The following YPEL2 variants were observed in gnomAD, a reference collection of about 807,000 sequenced individuals.
YPEL2 encodes protein yippee-like 2.
YPEL2 carries 2 observed loss-of-function variants against 19.1 expected under a neutral mutation model. The ratio of observed to expected loss-of-function variants is 0.10; its 90% confidence interval spans 0.04 to 0.33. YPEL2 has a LOEUF of 0.33. Ranked by LOEUF, YPEL2 falls within the 10% of genes least tolerant of loss-of-function variation. YPEL2 has a pLI of 1.00. For missense variants in YPEL2, 66 were observed against 140.7 expected (o/e 0.47, Z 2.68); for synonymous variants, 52 against 50.0 (o/e 1.04, Z -0.17).
chr17:59,394,657 CAG>C (rs1394689427), intron 4 of YPEL2, among the ~76,000 whole-genome samples: 1 of 151,630 alleles, frequency 6.6e-6, no homozygotes, highest in African/African-American at 2.4e-5. Context: ...GGCGGCCAGG[CAG>C]AGAGGCTCCT....
At chr17:59,351,807 A>C (rs2047788964) in intron 1 of YPEL2, among the ~76,000 whole-genome samples, 2 of 152,204 alleles carry the variant, frequency 1.3e-5, no homozygotes, top group South Asian at 4.1e-4. Flanking sequence ...GCTTTGCATG[A>C]GGAGCTTCCT....
intron 2 of YPEL2, among the ~76,000 whole-genome samples, chr17:59,361,948 C>A (rs2047843171): frequency 6.6e-6 from 1 of 152,112 alleles, no homozygotes; most frequent in Non-Finnish European, 1.5e-5. Context: ...CAGGGAGCAG[C>A]CGTTCTTTGG....
chr17:59,395,214 T>A lies in YPEL2; in HGVS notation c.271-1887T>A, dbSNP rs185906106. Among the ~76,000 whole-genome samples, 23 of 99,810 alleles carry A rather than the reference T, an allele frequency of 2.3e-4. No homozygotes were observed. In the East Asian group the frequency reaches 3.9e-3, roughly 17 times the overall value. 65.5% of individuals were successfully genotyped at this position (99,810 alleles called of 152,430 possible). ...TTGCTCTGTCATGTGTATACACGCA[T>A]GTGTGCATGTGTGTGCACAGAGACG... On this transcript the variant is annotated intron_variant, in intron 4 of 4. Coordinates refer to ENST00000312655, the MANE Select transcript of YPEL2 (RefSeq NM_001005404.4).
chr17:59,346,802 T>G (rs1438728842), intron 1 of YPEL2, among the ~76,000 whole-genome samples: 1 of 151,978 alleles, frequency 6.6e-6, no homozygotes, highest in Non-Finnish European at 1.5e-5. Flanking sequence ...GAGGTGACAT[T>G]TGAGCTGAGT....
intron 2 of YPEL2, among the ~76,000 whole-genome samples, chr17:59,386,694 ATT>A (rs2047981852): frequency 1.3e-5 from 2 of 152,224 alleles, no homozygotes; most frequent in South Asian, 4.1e-4. Flanking sequence ...TCGCTGGGAC[ATT>A]GTCTTATCCA....
chr17:59,383,077 T>C (rs1483056288), intron 2 of YPEL2, among the ~76,000 whole-genome samples: 1 of 152,190 alleles, frequency 6.6e-6, no homozygotes, highest in Non-Finnish European at 1.5e-5. Flanking sequence ...TTAAATAGAT[T>C]AGGGAATTGC....
chr17:59,384,639 A>G (rs1470770479), intron 2 of YPEL2, among the ~76,000 whole-genome samples: 4 of 152,180 alleles, frequency 2.6e-5, no homozygotes, highest in Non-Finnish European at 5.9e-5. Flanking sequence ...GTAACTGTTT[A>G]GCAAAACTTA....
At chr17:59,391,652 G>A (rs922198095) in intron 4 of YPEL2, among the ~76,000 whole-genome samples, 6 of 152,062 alleles carry the variant, frequency 3.9e-5, no homozygotes, top group African/African-American at 1.2e-4. Flanking sequence ...AACCCCAGCA[G>A]TTTGGGAGGC....
At chr17:59,346,392 CT>C (rs1480836703) in intron 1 of YPEL2, among the ~76,000 whole-genome samples, 1 of 152,164 alleles carries the variant, frequency 6.6e-6, no homozygotes. Context: ...AATGACAGGC[CT>C]TTGAGTGGCA....
At chr17:59,369,713 C>A (rs1358035092) in intron 2 of YPEL2, among the ~76,000 whole-genome samples, 1 of 152,240 alleles carries the variant, frequency 6.6e-6, no homozygotes, top group Non-Finnish European at 1.5e-5. Flanking sequence ...TTGGAAGATA[C>A]ACGTGCTGTC....
At chr17:59,380,271 T>A (rs1433779816) in intron 2 of YPEL2, among the ~76,000 whole-genome samples, 1 of 120,224 alleles carries the variant, frequency 8.3e-6, no homozygotes, top group African/African-American at 3.7e-5. Context: ...GTATCTAACT[T>A]CTTTTTTTTT....
At chr17:59,372,125 T>G (rs960610106) in intron 2 of YPEL2, among the ~76,000 whole-genome samples, 3 of 152,174 alleles carry the variant, frequency 2.0e-5, no homozygotes, top group Non-Finnish European at 4.4e-5. Context: ...ACCCAGAAAC[T>G]GGGCCTCTGT....
chr17:59,337,183 C>CTTTTTTTT (rs146083930), intron 1 of YPEL2, among the ~76,000 whole-genome samples: 1 of 136,502 alleles, frequency 7.3e-6, no homozygotes, highest in Non-Finnish European at 1.6e-5. Flanking sequence ...GGGAGAAATT[C>CTTTTTTTT]TTTTTTTTTG....
At chr17:59,379,216 C>G (rs1307808069) in intron 2 of YPEL2, among the ~76,000 whole-genome samples, 1 of 152,176 alleles carries the variant, frequency 6.6e-6, no homozygotes, top group Admixed American at 6.6e-5. Context: ...TTATCATCAC[C>G]CCTCTCACTT....
chr17:59,353,905 G>T lies in YPEL2; in HGVS notation c.117+379G>T, dbSNP rs915746449. 5 of 310,860 alleles carry T rather than the reference G, an allele frequency of 1.6e-5. No homozygotes were observed. Among genetic ancestry groups the T allele is most frequent in the Non-Finnish European group, 3.1e-5 (5 of 160,456 alleles). The allele number at this position is 310,860 out of a possible 1,614,324, so 19.3% of individuals were successfully genotyped here. On this transcript the variant is annotated intron_variant, in intron 2 of 4. Transcript: ENST00000312655. This position sits in a 1 kb window ranked among gnomAD's most constrained non-coding sequence, Gnocchi z 4.8. The stretch of plus-strand genomic sequence containing the variant: ...TTCTGATAAAGCAGGGGAATGTCTT[G>T]TAAGAGGGGTTCCTTAGCAAGATGA...
Position 59,389,431 on chromosome 17 carries a change from A to T in YPEL2, c.233A>T (p.Tyr78Phe). The T allele has an allele frequency of 6.2e-7, 1 of 1,614,050 alleles. No individual in the cohort carries two copies. Among genetic ancestry groups the T allele is most frequent in the Non-Finnish European group, 8.5e-7 (1 of 1,180,028 alleles). ...LTGLHAVADI[Y>F]CENCKTTLGW... ...GGACTGCATGCAGTCGCAGACATTT[A>T]CTGTGAAAACTGCAAAACCACTCTG... Residue 78 changes from tyrosine (Y) to phenylalanine (F), a missense_variant, in exon 4 of 5, where the codon TAC (tyrosine) becomes TTC (phenylalanine). Physicochemically the swap from Tyr to Phe is conservative, Grantham distance 22. Transcript: ENST00000312655.
intron 4 of YPEL2, 37 bp downstream of exon 4, chr17:59,389,505 A>G: frequency 6.5e-7 from 1 of 1,537,558 alleles, no homozygotes; most frequent in East Asian, 2.2e-5. Flanking sequence ...GAGGGCTGGA[A>G]GGGAATTGCC....
intron 1 of YPEL2, among the ~76,000 whole-genome samples, chr17:59,338,130 A>G (rs1038653815): frequency 3.9e-5 from 6 of 152,198 alleles, no homozygotes; most frequent in African/African-American, 1.4e-4. Flanking sequence ...CTGTGGTCTT[A>G]AAAGCAGTGT....
At chr17:59,343,950 A>G (rs961580718) in intron 1 of YPEL2, among the ~76,000 whole-genome samples, 2 of 152,118 alleles carry the variant, frequency 1.3e-5, no homozygotes, top group African/African-American at 4.8e-5. Context: ...GAGGGTGGCA[A>G]TGGGAGGGTG....
Sources: allele counts gnomAD v4.1 joint callset (sites outside exome capture counted in the v4.1 genomes callset), GRCh38; gene constraint gnomAD v4.1.1; non-coding constraint Gnocchi (gnomAD v3.1); transcripts MANE v1.5; gene names NCBI Gene and HGNC (gene_info 2026-07-23, HGNC 2026-07-21).